The following ZMYND8 variants were observed in gnomAD, a reference collection of about 807,000 sequenced individuals.
ZMYND8 encodes MYND-type zinc finger-containing chromatin reader ZMYND8.
A neutral mutation model predicts 140.8 loss-of-function variants in ZMYND8; 37 were observed. The ratio of observed to expected loss-of-function variants is 0.26; its 90% confidence interval spans 0.20 to 0.35. The LOEUF is 0.35. ZMYND8 is among the 10% of genes least tolerant of loss of function. The pLI is 1.00. For missense variants in ZMYND8, 1,068 were observed against 1,570.0 expected (o/e 0.68, Z 5.40); for synonymous variants, 592 against 597.1 (o/e 0.99, Z 0.12).
At chr20:47,301,153 TTC>T (rs1483742210) in intron 3 of ZMYND8, among the ~76,000 whole-genome samples, 18 of 140,604 alleles carry the variant, frequency 1.3e-4, no homozygotes, top group African/African-American at 4.3e-4. Flanking sequence ...GATTGCATAA[TTC>T]TTTTTTTTTT....
chr20:47,247,372 C>T lies in ZMYND8; in HGVS notation c.1775-855G>A, dbSNP rs545177970. Among the ~76,000 whole-genome samples, 203 of 152,286 alleles carry T rather than the reference C, an allele frequency of 1.3e-3. 1 individual carries two copies. The highest frequency in any genetic ancestry group is 4.7e-3 in the African/African-American group (195 of 41,566). ...AGCCCTCCCTCTTGTTCCCTGCACT[C>T]GTGGAAAGTCAACTGCCACTCGGTG... On this transcript the variant is annotated intron_variant, in intron 13 of 22. Coordinates refer to ENST00000471951, the MANE Select transcript of ZMYND8 (RefSeq NM_001281775.3).
At chr20:47,221,925 C>A (rs2037017330) in intron 19 of ZMYND8, among the ~76,000 whole-genome samples, 1 of 152,154 alleles carries the variant, frequency 6.6e-6, no homozygotes. Context: ...CCTCGGCCTC[C>A]CAAAGTGCTA....
At chr20:47,236,297 T>G (rs1441259506) in intron 16 of ZMYND8, 29 bp downstream of exon 16, 1 of 1,613,730 alleles carries the variant, frequency 6.2e-7, no homozygotes. Context: ...GTGTCTGCCA[T>G]CTCCACGGTA....
chr20:47,281,711 A>G (rs1016459346), intron 10 of ZMYND8, among the ~76,000 whole-genome samples: 20 of 152,214 alleles, frequency 1.3e-4, no homozygotes, highest in African/African-American at 4.6e-4. Flanking sequence ...TTTACTGGCA[A>G]TCTAGGAAAC....
intron 2 of ZMYND8, among the ~76,000 whole-genome samples, chr20:47,344,233 C>G (rs770734598): frequency 6.6e-6 from 1 of 152,114 alleles, no homozygotes. Flanking sequence ...CCACCTTGGC[C>G]TCCCAAAGTG....
chr20:47,222,529 C>T (rs1054059028), intron 19 of ZMYND8, among the ~76,000 whole-genome samples: 6 of 151,880 alleles, frequency 4.0e-5, no homozygotes, highest in Non-Finnish European at 8.8e-5. Context: ...GAGCGAGACT[C>T]CGTCTCAACG....
At chr20:47,348,300 G>A (rs1224864125) in intron 1 of ZMYND8, 1 of 275,266 alleles carries the variant, frequency 3.6e-6, no homozygotes, top group Non-Finnish European at 7.0e-6. Flanking sequence ...GGTTGGAGGT[G>A]TTTTGCAGGG....
intron 8 of ZMYND8, among the ~76,000 whole-genome samples, chr20:47,284,541 T>C (rs1238401103): frequency 1.3e-5 from 2 of 152,254 alleles, no homozygotes; most frequent in South Asian, 2.1e-4. Flanking sequence ...CAAAGCCACA[T>C]GTGATCTGGC....
At chr20:47,218,395 C>T (rs566270334) in intron 21 of ZMYND8, among the ~76,000 whole-genome samples, 5 of 152,288 alleles carry the variant, frequency 3.3e-5, no homozygotes, top group African/African-American at 9.6e-5. Flanking sequence ...TGTGCCATTT[C>T]GACACATCCA....
At chr20:47,304,829 G>T (rs2078354644) in intron 3 of ZMYND8, among the ~76,000 whole-genome samples, 1 of 152,208 alleles carries the variant, frequency 6.6e-6, no homozygotes, top group Non-Finnish European at 1.5e-5. Flanking sequence ...CTCAGCTCCA[G>T]TGATCCAAGG....
At chr20:47,244,301 G>T (rs888436092) in intron 14 of ZMYND8, among the ~76,000 whole-genome samples, 1 of 152,194 alleles carries the variant, frequency 6.6e-6, no homozygotes, top group Non-Finnish European at 1.5e-5. Flanking sequence ...CATACATAAG[G>T]TTTTATGGCT....
At chr20:47,324,387 C>A (rs534035339) in intron 2 of ZMYND8, among the ~76,000 whole-genome samples, 1 of 148,492 alleles carries the variant, frequency 6.7e-6, no homozygotes, top group African/African-American at 2.5e-5. Context: ...GGCATGGTGG[C>A]GGGTGCCTGT....
At chr20:47,250,888 G>C (rs777317071) in intron 12 of ZMYND8, among the ~76,000 whole-genome samples, 38 of 152,208 alleles carry the variant, frequency 2.5e-4, no homozygotes, top group Non-Finnish European at 5.4e-4. Context: ...TCCCAGCCAG[G>C]TGTGGTGGAA....
intron 11 of ZMYND8, among the ~76,000 whole-genome samples, chr20:47,263,838 T>A (rs1429388421): frequency 4.6e-5 from 7 of 152,216 alleles, no homozygotes; most frequent in Non-Finnish European, 1.0e-4. Flanking sequence ...TGGCATGCAG[T>A]AAGTACTCTG....
intron 11 of ZMYND8, among the ~76,000 whole-genome samples, chr20:47,274,719 T>C (rs1463353876): frequency 6.6e-6 from 1 of 152,148 alleles, no homozygotes; most frequent in African/African-American, 2.4e-5. Flanking sequence ...TAGAGAAAGA[T>C]ATAGACTGCA....
intron 20 of ZMYND8, 33 bp from the exon 21 acceptor site, chr20:47,220,357 G>A (rs765442277): frequency 6.6e-7 from 1 of 1,520,668 alleles, no homozygotes; most frequent in South Asian, 1.2e-5. Flanking sequence ...ATGGACTCAA[G>A]GCACTGAGGC....
chr20:47,342,680 T>A (rs1361493386), intron 2 of ZMYND8, among the ~76,000 whole-genome samples: 3 of 151,378 alleles, frequency 2.0e-5, no homozygotes, highest in African/African-American at 7.3e-5. Context: ...ACCCCGCCTC[T>A]ACTACAAATA....
At chr20:47,338,539 T>C (rs780580560) in intron 2 of ZMYND8, among the ~76,000 whole-genome samples, 1 of 152,060 alleles carries the variant, frequency 6.6e-6, no homozygotes, top group Admixed American at 6.6e-5. Flanking sequence ...ACAGACATCA[T>C]ATTTTCACCA....
rs10536216 is a variant in ZMYND8 at position 47,216,495 on chromosome 20, C to CAA, written c.3484+3761_3484+3762dup. Among the ~76,000 whole-genome samples, 522 of 59,262 alleles carry CAA rather than the reference C, an allele frequency of 8.8e-3. 33 individuals carry two copies. The highest frequency in any genetic ancestry group is 0.038 in the South Asian group (71 of 1,862). 38.9% of individuals were successfully genotyped at this position (59,262 alleles called of 152,430 possible). The stretch of plus-strand genomic sequence containing the variant: ...GGACAACAGAGCGAAGACTCTGTCT[C>CAA]AAAAAAAAAAAAAAAAAAAAAAAGG... On this transcript the variant is annotated intron_variant, in intron 21 of 22. Transcript: ENST00000471951.
Sources: gnomAD v4.1 joint callset for allele counts (sites outside exome capture counted in the v4.1 genomes callset) on GRCh38, gnomAD v4.1.1 for gene constraint, MANE v1.5 for transcripts, NCBI Gene and HGNC (gene_info 2026-07-23, HGNC 2026-07-21) for gene names.